Variants in PPP2R2B observed in about 807,000 individuals in gnomAD.
PPP2R2B encodes the protein serine/threonine-protein phosphatase 2A 55 kDa regulatory subunit B beta isoform.
Under a neutral mutation model 46.0 loss-of-function variants are expected in PPP2R2B, and 5 were observed. The observed-to-expected ratio is 0.11, with a 90% CI of 0.06 to 0.23. The LOEUF (loss-of-function observed/expected upper bound fraction) is 0.23, where lower values mean the gene tolerates loss of function less well. Among genes scored for constraint, PPP2R2B ranks in the 10% least tolerant of loss-of-function variants. PPP2R2B has a pLI of 1.00. For synonymous variants in PPP2R2B, 215 were observed against 206.7 expected, an observed-to-expected ratio of 1.04 and a Z score of -0.34; for missense variants, 367 against 575.0, an observed-to-expected ratio of 0.64 and a Z score of 3.70.
In PPP2R2B at chr5:146,722,174, C is replaced by T. The variant is rs188685660; in HGVS notation, c.71-21032G>A. On this transcript the variant is annotated intron_variant, in intron 2 of 9. Transcript: ENST00000394411. The stretch of plus-strand genomic sequence containing the variant: ...TATAAACCACTCAACTTTACTACCT[C>T]CAGATACTATTTACTGAAGACCTGC... Among the ~76,000 whole-genome samples, 10 of 152,300 alleles carry T rather than the reference C, an allele frequency of 6.6e-5. No individual in the cohort carries two copies. In the East Asian group the frequency reaches 1.9e-3, roughly 29 times the overall value.
intron 1 of PPP2R2B, among the ~76,000 whole-genome samples, chr5:146,956,067 G>A (rs1391122560): frequency 6.6e-6 from 1 of 151,958 alleles, no homozygotes; most frequent in Admixed American, 6.6e-5. Context: ...GTGAGCCACT[G>A]AGCCTGGCCC....
chr5:146,760,107 A>C (rs1377577427), intron 2 of PPP2R2B, among the ~76,000 whole-genome samples: 2 of 152,234 alleles, frequency 1.3e-5, no homozygotes, highest in Non-Finnish European at 2.9e-5. Flanking sequence ...AGCATTTAGC[A>C]CAGCATGTAA....
chr5:146,789,867 A>T (rs929114361), intron 2 of PPP2R2B, among the ~76,000 whole-genome samples: 2 of 152,160 alleles, frequency 1.3e-5, no homozygotes, highest in African/African-American at 4.8e-5. Context: ...AAAAAGAGAG[A>T]TGTGCAAATG....
At chr5:147,042,278 G>A (rs1017016139) in intron 1 of PPP2R2B, among the ~76,000 whole-genome samples, 1 of 151,964 alleles carries the variant, frequency 6.6e-6, no homozygotes, top group African/African-American at 2.4e-5. Flanking sequence ...CCCTTCTTCA[G>A]GGCCGAGAGA....
chr5:146,939,077 C>T (rs1764245756), intron 1 of PPP2R2B, among the ~76,000 whole-genome samples: 1 of 152,024 alleles, frequency 6.6e-6, no homozygotes. Flanking sequence ...AATTAACTCC[C>T]TTGTCTTAGC....
intron 2 of PPP2R2B, among the ~76,000 whole-genome samples, chr5:146,867,571 A>T (rs1481490911): frequency 1.3e-5 from 2 of 152,130 alleles, no homozygotes; most frequent in Non-Finnish European, 2.9e-5. Context: ...TGGCAAGAAA[A>T]CACTCAGCAA....
intron 6 of PPP2R2B, among the ~76,000 whole-genome samples, 183 bp downstream of exon 6, chr5:146,650,361 TAAC>T (rs1237120385): frequency 6.6e-6 from 1 of 152,210 alleles, no homozygotes; most frequent in Non-Finnish European, 1.5e-5. Flanking sequence ...CCACTTGTAA[TAAC>T]AATATTTCCC....
chr5:146,631,866 G>A (rs536059682), intron 7 of PPP2R2B, among the ~76,000 whole-genome samples: 2 of 152,164 alleles, frequency 1.3e-5, no homozygotes, highest in African/African-American at 4.8e-5. Flanking sequence ...TGCTTCCAAT[G>A]TGTCAGGGGC....
intron 2 of PPP2R2B, among the ~76,000 whole-genome samples, chr5:146,845,714 G>A (rs554081262): frequency 5.3e-4 from 81 of 152,290 alleles, no homozygotes; most frequent in African/African-American, 1.9e-3. Context: ...CAGTGAGTGC[G>A]TGAAAAATAT....
At chr5:146,713,064 G>C (rs747143003) in intron 2 of PPP2R2B, among the ~76,000 whole-genome samples, 1 of 152,158 alleles carries the variant, frequency 6.6e-6, no homozygotes, top group Admixed American at 6.5e-5. Flanking sequence ...TATGTACTAA[G>C]GAAAACAAAT....
chr5:146,608,367 G>A (rs1195520664), intron 7 of PPP2R2B, among the ~76,000 whole-genome samples: 4 of 152,186 alleles, frequency 2.6e-5, no homozygotes, highest in African/African-American at 9.7e-5. Flanking sequence ...GCTAGAACCT[G>A]GGCTTCATCA....
At chr5:146,639,767 T>C (rs1050561290) in intron 6 of PPP2R2B, among the ~76,000 whole-genome samples, 2 of 152,236 alleles carry the variant, frequency 1.3e-5, no homozygotes, top group Non-Finnish European at 2.9e-5. Flanking sequence ...TTGATTCACT[T>C]TTTTCTTTAC....
At chr5:146,978,418 G>C (rs1753016191) in intron 1 of PPP2R2B, among the ~76,000 whole-genome samples, 1 of 151,948 alleles carries the variant, frequency 6.6e-6, no homozygotes, top group Non-Finnish European at 1.5e-5. Context: ...CATTAGTTTT[G>C]GTGTTTTAGT....
intron 2 of PPP2R2B, among the ~76,000 whole-genome samples, chr5:146,746,946 C>A (rs946368757): frequency 6.6e-6 from 1 of 152,158 alleles, no homozygotes; most frequent in African/African-American, 2.4e-5. Flanking sequence ...ATTCGGGTCT[C>A]TTGGCTCCAA....
chr5:146,851,691 C>A (rs573805855), intron 2 of PPP2R2B, among the ~76,000 whole-genome samples: 2 of 152,072 alleles, frequency 1.3e-5, no homozygotes, highest in East Asian at 1.9e-4. Context: ...CAAGGTATAC[C>A]TTTTCTAAGG....
chr5:146,737,128 T>A (rs1382903633), intron 2 of PPP2R2B, among the ~76,000 whole-genome samples: 1 of 152,168 alleles, frequency 6.6e-6, no homozygotes, highest in African/African-American at 2.4e-5. Flanking sequence ...CACATCTCAA[T>A]TTTGACTAGC....
intron 4 of PPP2R2B, among the ~76,000 whole-genome samples, chr5:146,692,488 A>G (rs1200328774): frequency 1.3e-5 from 2 of 150,538 alleles, no homozygotes; most frequent in African/African-American, 4.9e-5. Context: ...GGATCTGTGG[A>G]GCTGGAATGG....
chr5:146,985,725 C>A (rs1252536768), intron 1 of PPP2R2B, among the ~76,000 whole-genome samples: 1 of 151,928 alleles, frequency 6.6e-6, no homozygotes, highest in African/African-American at 2.4e-5. Context: ...TTTGTCAGAG[C>A]AATTAGGCAA....
chr5:146,809,990 G>T (rs760293585), intron 2 of PPP2R2B, among the ~76,000 whole-genome samples: 10 of 152,156 alleles, frequency 6.6e-5, no homozygotes, highest in Non-Finnish European at 1.3e-4. Flanking sequence ...TCTGTTGTGT[G>T]GGGGTAGAGT....
Sources: gnomAD v4.1 joint callset for allele counts (sites outside exome capture counted in the v4.1 genomes callset) on GRCh38, gnomAD v4.1.1 for gene constraint, MANE v1.5 for transcripts, NCBI Gene and HGNC (gene_info 2026-07-23, HGNC 2026-07-21) for gene names.